CCDC171: variants seen among roughly 807,000 people sequenced by gnomAD.
The protein encoded by CCDC171 is coiled-coil domain-containing protein 171.
A neutral mutation model predicts 168.2 loss-of-function variants in CCDC171; 177 were observed. That is an observed-to-expected ratio of 1.05 (90% confidence interval 0.93 to 1.19). The LOEUF (loss-of-function observed/expected upper bound fraction) is 1.19, where lower values mean the gene tolerates loss of function less well. Ranked by LOEUF, CCDC171 falls within the 50% of genes most tolerant of loss-of-function variation. CCDC171 has a pLI of 0.00. For missense variants in CCDC171, 1,991 were observed against 1,539.0 expected (o/e 1.29, Z -4.91); for synonymous variants, 687 against 540.8 (o/e 1.27, Z -3.75).
Position 16,000,267 on chromosome 9 carries a change from C to A in CCDC171, n.369-20322C>A, listed in dbSNP as rs772278449. Among the ~76,000 whole-genome samples the A allele has an allele frequency of 3.7e-4, 56 of 152,214 alleles. 1 individual carries two copies. Among genetic ancestry groups the A allele is most frequent in the Admixed American group, 9.2e-4 (14 of 15,290 alleles). ...AGTTTGTAAAACTACAAACCCAAAG[C>A]CTTTTCTTTCCGTATTATTCTCTAT... is the stretch of plus-strand genomic sequence containing the variant. On this transcript the variant is annotated intron_variant and non_coding_transcript_variant, in intron 3 of 9. Coordinates refer to the CCDC171 transcript ENST00000486641.
intron 3 of CCDC171, among the ~76,000 whole-genome samples, chr9:16,003,142 A>T (rs901415226): frequency 3.9e-5 from 6 of 152,216 alleles, no homozygotes; most frequent in African/African-American, 1.4e-4. Context: ...AGAAAAATCA[A>T]AAAGAAAACA....
At chr9:16,014,139 T>G (rs140700434) in intron 3 of CCDC171, among the ~76,000 whole-genome samples, 2,171 of 152,344 alleles carry the variant, frequency 0.014, 46 homozygotes, top group African/African-American at 0.048. Context: ...TGCCACTGCT[T>G]TAGCAAATTA....
At chr9:15,623,759 G>A (rs1166484601) in intron 7 of CCDC171, among the ~76,000 whole-genome samples, 2 of 152,052 alleles carry the variant, frequency 1.3e-5, no homozygotes, top group African/African-American at 4.8e-5. Context: ...AAAAGTTTTG[G>A]TGTACATAGG....
chr9:15,901,132 A>G (rs1821587581), intron 24 of CCDC171, among the ~76,000 whole-genome samples: 2 of 152,248 alleles, frequency 1.3e-5, no homozygotes, highest in East Asian at 3.8e-4. Context: ...GAAACATTAA[A>G]AAGTAATTAT....
chr9:15,573,036 G>C (rs1015062764), intron 3 of CCDC171, among the ~76,000 whole-genome samples: 1 of 152,120 alleles, frequency 6.6e-6, no homozygotes, highest in Non-Finnish European at 1.5e-5. Flanking sequence ...GCACACACCT[G>C]TAATCTCAGC....
At chr9:15,717,977 G>A (rs946450557) in intron 11 of CCDC171, among the ~76,000 whole-genome samples, 2 of 152,226 alleles carry the variant, frequency 1.3e-5, no homozygotes, top group African/African-American at 4.8e-5. Flanking sequence ...AGGGGACTTT[G>A]TCTTGCAGCT....
At chr9:16,078,368 G>A in the CCDC171 span, among the ~76,000 whole-genome samples, 8 of 152,152 alleles carry the variant, frequency 5.3e-5, no homozygotes, top group African/African-American at 1.7e-4. Context: ...CAGGGAAACA[G>A]CATTTCAGAA....
chr9:15,870,779 C>A (rs963099476), intron 23 of CCDC171, among the ~76,000 whole-genome samples: 1 of 125,626 alleles, frequency 8.0e-6, no homozygotes, highest in Non-Finnish European at 1.8e-5. Context: ...TAGTTGATAT[C>A]TAGCAGAAAT....
At chr9:15,801,259 C>A (rs1156885486) in intron 21 of CCDC171, among the ~76,000 whole-genome samples, 2 of 151,808 alleles carry the variant, frequency 1.3e-5, no homozygotes, top group East Asian at 3.9e-4. Flanking sequence ...GAATATCTTT[C>A]CATTATTTTT....
chr9:15,715,401 A>G (rs1482910075), intron 11 of CCDC171, among the ~76,000 whole-genome samples: 3 of 152,242 alleles, frequency 2.0e-5, no homozygotes, highest in African/African-American at 7.2e-5. Flanking sequence ...AAAAAAGTCT[A>G]ACTGCCAATA....
At chr9:15,632,148 A>T (rs937287199) in intron 7 of CCDC171, among the ~76,000 whole-genome samples, 1 of 150,712 alleles carries the variant, frequency 6.6e-6, no homozygotes, top group East Asian at 2.0e-4. Context: ...CCTATTCAAC[A>T]TAGTGTTGGA....
intron 21 of CCDC171, among the ~76,000 whole-genome samples, chr9:15,798,721 G>T (rs923056465): frequency 1.4e-4 from 21 of 152,066 alleles, no homozygotes; most frequent in African/African-American, 5.1e-4. Context: ...TTACTACAAT[G>T]GTAGATTTAA....
rs1564152520 is a variant in CCDC171, at chr9:15,657,221, TA to T, written c.915+6del. The T allele has an allele frequency of 1.3e-6, 2 of 1,578,256 alleles. No homozygotes were observed. The highest frequency in any genetic ancestry group is 2.2e-5 in the South Asian group (2 of 89,854). Reference sequence around the variant, plus strand: ...AAATTTAATTCTGAAATTATTCAGGTAAAATGTAAACAAATATTTTGGCCTG... The same window carrying T: ...AAATTTAATTCTGAAATTATTCAGGTAAATGTAAACAAATATTTTGGCCTG... On this transcript the variant is annotated splice_donor_region_variant and intron_variant, in intron 8 of 25. Coordinates refer to ENST00000380701, the MANE Select transcript of CCDC171 (RefSeq NM_173550.4).
At chr9:15,631,737 C>G (rs6474938) in intron 7 of CCDC171, among the ~76,000 whole-genome samples, 4 of 152,002 alleles carry the variant, frequency 2.6e-5, no homozygotes, top group South Asian at 2.1e-4. Context: ...TTTTAGACCA[C>G]TATCCTTGAT....
At chr9:15,649,338 G>A (rs1429377679) in intron 7 of CCDC171, among the ~76,000 whole-genome samples, 2 of 152,138 alleles carry the variant, frequency 1.3e-5, no homozygotes, top group African/African-American at 2.4e-5. Context: ...ATAGGCATGG[G>A]CAAGGACTTC....
intron 18 of CCDC171, among the ~76,000 whole-genome samples, chr9:15,752,099 A>G (rs1564345844): frequency 6.6e-6 from 1 of 152,264 alleles, no homozygotes; most frequent in Non-Finnish European, 1.5e-5. Context: ...GGCAAAGGAT[A>G]TGAACAGACA....
chr9:15,946,375 AACAG>A (rs1828384088), intron 25 of CCDC171, among the ~76,000 whole-genome samples: 1 of 151,984 alleles, frequency 6.6e-6, no homozygotes, highest in African/African-American at 2.4e-5. Flanking sequence ...ATACACCAAT[AACAG>A]ACAAACAGAG....
chr9:15,617,252 G>T (rs2044150660), intron 6 of CCDC171, among the ~76,000 whole-genome samples: 1 of 152,124 alleles, frequency 6.6e-6, no homozygotes, highest in South Asian at 2.1e-4. Context: ...CGATCATTCG[G>T]AGGAGAAAAG....
intron 24 of CCDC171, among the ~76,000 whole-genome samples, chr9:15,894,414 T>A (rs1362014480): frequency 6.6e-6 from 1 of 152,084 alleles, no homozygotes; most frequent in African/African-American, 2.4e-5. Context: ...ATCCTGAACA[T>A]GTAACCCTAA....
Sources: gnomAD v4.1 joint callset for allele counts (sites outside exome capture counted in the v4.1 genomes callset) on GRCh38, gnomAD v4.1.1 for gene constraint, MANE v1.5 for transcripts, NCBI Gene and HGNC (gene_info 2026-07-23, HGNC 2026-07-21) for gene names.